Variants in ZBTB25 observed in about 807,000 individuals in gnomAD.
ZBTB25 encodes zinc finger and BTB domain containing 25, also known as zinc finger and BTB domain-containing protein 25.
ZBTB25 carries 20 observed loss-of-function variants against 34.2 expected under a neutral mutation model. The ratio of observed to expected loss-of-function variants is 0.58; its 90% CI spans 0.41 to 0.85. ZBTB25 has a LOEUF of 0.85. Ranked by LOEUF, ZBTB25 falls within the 40% of genes least tolerant of loss-of-function variation. The pLI, the probability that ZBTB25 is intolerant of heterozygous loss-of-function variation, is 0.00. For missense variants in ZBTB25, 437 were observed against 521.8 expected (o/e 0.84, Z 1.58); for synonymous variants, 175 against 186.4 (o/e 0.94, Z 0.50).
chr14:64,456,650 GCT>G (rs1596570539), intron 2 of ZBTB25, among the ~76,000 whole-genome samples: 1 of 152,064 alleles, frequency 6.6e-6, no homozygotes, highest in East Asian at 1.9e-4. Flanking sequence ...CGGTTTTTCT[GCT>G]GTGTCTAAGG....
chr14:64,454,287 G>GT (rs1442659272), intron 2 of ZBTB25, among the ~76,000 whole-genome samples: 1 of 151,898 alleles, frequency 6.6e-6, no homozygotes, highest in Non-Finnish European at 1.5e-5. Flanking sequence ...TAATTTTTGT[G>GT]TTTTTTGTTG....
intron 2 of ZBTB25, among the ~76,000 whole-genome samples, chr14:64,466,662 A>G (rs147930856): frequency 1.3e-5 from 2 of 152,230 alleles, no homozygotes; most frequent in Admixed American, 6.5e-5. Context: ...CCAACCTAAG[A>G]TAATATTTAC....
At position 64,478,330 on chromosome 14, in the gene ZBTB25, C is replaced by T. The variant is rs938326111; in HGVS notation, c.*8593G>A. ...GAGCTGAAGGTAAGAAAACTCTTAA[C>T]TTATTCAGAATGGAATGGGTTGGAA... is the stretch of plus-strand genomic sequence containing the variant. On this transcript the variant is annotated 3_prime_UTR_variant, in exon 3 of 3. Transcript: ENST00000608382. 2 of 152,258 alleles carry T rather than the reference C, an allele frequency of 1.3e-5. No homozygotes were observed. The highest frequency in any genetic ancestry group is 3.4e-3 in the Middle Eastern group (1 of 294). The allele number at this position is 152,258 out of a possible 1,614,324, so 9.4% of individuals were successfully genotyped here.
downstream of ZBTB25, chr14:64,473,854 C>T (rs955126288): frequency 3.6e-5 from 6 of 166,930 alleles, no homozygotes; most frequent in African/African-American, 1.4e-4. Context: ...GTAACATGAA[C>T]TCTCTTATAC....
chr14:64,498,624 GTTTA>G (rs999104181), intron 1 of ZBTB25, among the ~76,000 whole-genome samples: 1 of 151,468 alleles, frequency 6.6e-6, no homozygotes, highest in African/African-American at 2.4e-5. Flanking sequence ...TTGTTTATTT[GTTTA>G]TTTATTTTTA....
intron 2 of ZBTB25, chr14:64,463,263 T>C (rs368299564): frequency 1.1e-4 from 11 of 98,506 alleles, no homozygotes; most frequent in African/African-American, 2.8e-4. Flanking sequence ...CACACACATA[T>C]GGCATTGAGT....
At chr14:64,452,313 C>T (rs1350308332) in intron 2 of ZBTB25, among the ~76,000 whole-genome samples, 1 of 152,128 alleles carries the variant, frequency 6.6e-6, no homozygotes, top group Non-Finnish European at 1.5e-5. Flanking sequence ...TAAGAACCTG[C>T]CTAATATGTT....
At chr14:64,456,848 C>CTCAT (rs556123900) in intron 2 of ZBTB25, among the ~76,000 whole-genome samples, 295 of 152,308 alleles carry the variant, frequency 1.9e-3, no homozygotes, top group African/African-American at 6.8e-3. Context: ...CAGAAGATGA[C>CTCAT]TCTTTTTAAA....
intron 2 of ZBTB25, chr14:64,469,025 T>C (rs1160531941): frequency 6.2e-7 from 1 of 1,614,212 alleles, no homozygotes; most frequent in Non-Finnish European, 8.5e-7. Context: ...GAAAGTGATT[T>C]CAGTAGAACT....
rs895713372 is a variant in ZBTB25, at chr14:64,479,710, C to G, written c.*7213G>C. On this transcript the variant is annotated 3_prime_UTR_variant, in exon 3 of 3. Transcript: ENST00000608382. Reference sequence around the variant, plus strand: ...TTGGACCCAAATGGAAACATCAGCTCTTCTTGAGTTTCAAGCCTGCCAGCT... The same window carrying G: ...TTGGACCCAAATGGAAACATCAGCTGTTCTTGAGTTTCAAGCCTGCCAGCT... The G allele has an allele frequency of 1.3e-5, 2 of 152,192 alleles. No individual in the cohort carries two copies. Among genetic ancestry groups the G allele is most frequent in the Non-Finnish European group, 2.9e-5 (2 of 68,046 alleles). The allele number at this position is 152,192 out of a possible 1,614,324, so 9.4% of individuals were successfully genotyped here. A position where few individuals can be genotyped will look rare whatever the true frequency, so the allele number is the denominator to read the frequency against.
At chr14:64,473,160 A>AT (rs1274780063), downstream of ZBTB25, 6 of 167,004 alleles carry the variant, frequency 3.6e-5, no homozygotes, top group African/African-American at 1.4e-4. Flanking sequence ...TTCACTTAAC[A>AT]TTTTTTCAAA....
At chr14:64,504,562 C>T, upstream of ZBTB25, 1 of 199,924 alleles carries the variant, frequency 5.0e-6, no homozygotes. Flanking sequence ...CGCCAGCCTC[C>T]TCGGAGCTCG....
At chr14:64,488,788 TTC>T (rs1251452033) in intron 2 of ZBTB25, among the ~76,000 whole-genome samples, 1 of 152,136 alleles carries the variant, frequency 6.6e-6, no homozygotes, top group African/African-American at 2.4e-5. Flanking sequence ...GGTACAAAGT[TTC>T]TGTTTGGGGT....
rs1316864801 is a variant in ZBTB25, at chr14:64,484,450, G to A, written c.*2473C>T. 1 of 152,378 alleles carries A rather than the reference G, an allele frequency of 6.6e-6. No individual in the cohort carries two copies. Among genetic ancestry groups the A allele is most frequent in the Admixed American group, 6.5e-5 (1 of 15,284 alleles). The allele number at this position is 152,378 out of a possible 1,614,324, so 9.4% of individuals were successfully genotyped here. ...TAATCCCAGCACTATGGGAGGCCGA[G>A]GCTGGTGCATGACCTGAGGTCAGGA... On this transcript the variant is annotated 3_prime_UTR_variant, in exon 3 of 3. Transcript: ENST00000608382.
chr14:64,456,491 G>A (rs891749762), intron 2 of ZBTB25, among the ~76,000 whole-genome samples: 7 of 152,124 alleles, frequency 4.6e-5, no homozygotes, highest in Non-Finnish European at 1.0e-4. Flanking sequence ...CCAGTGTTTA[G>A]GAGGGAAAAT....
At chr14:64,495,184 T>C (rs1596643610) in intron 1 of ZBTB25, among the ~76,000 whole-genome samples, 1 of 152,230 alleles carries the variant, frequency 6.6e-6, no homozygotes, top group Admixed American at 6.5e-5. Flanking sequence ...CAATTCACTC[T>C]AGATTCTGTA....
At chr14:64,502,149 C>T (rs1372879075) in intron 1 of ZBTB25, among the ~76,000 whole-genome samples, 1 of 152,206 alleles carries the variant, frequency 6.6e-6, no homozygotes, top group Non-Finnish European at 1.5e-5. Context: ...TAGTATGATA[C>T]TTGGCCCACT....
rs1331743350 is a variant in ZBTB25, at chr14:64,503,245, G to A, written c.-8+416C>T. 4.1e-6 allele frequency: 4 copies of A among 985,472 alleles called. No homozygotes were observed. In the East Asian group the frequency reaches 4.5e-4, roughly 112 times the overall value. 61.0% of individuals were successfully genotyped at this position (985,472 alleles called of 1,614,324 possible). A position where few individuals can be genotyped will look rare whatever the true frequency, so the allele number is the denominator to read the frequency against. ...TAATCACAAGCTGGGAGTGGAAACA[G>A]TAGCCGCAGCGTCCTCCCAGCATCT... On this transcript the variant is annotated intron_variant, in intron 1 of 2. Transcript: ENST00000608382.
At chr14:64,467,556 A>T (rs2078624583) in intron 2 of ZBTB25, 1 of 152,110 alleles carries the variant, frequency 6.6e-6, no homozygotes, top group Non-Finnish European at 1.5e-5. Flanking sequence ...CCTTGATGGA[A>T]CATACATTTT....
Sources: gnomAD v4.1 joint callset for allele counts (sites outside exome capture counted in the v4.1 genomes callset) on GRCh38, gnomAD v4.1.1 for gene constraint, MANE v1.5 for transcripts, NCBI Gene and HGNC (gene_info 2026-07-23, HGNC 2026-07-21) for gene names.